The following TEX11 variants were observed in gnomAD, a reference collection of about 807,000 sequenced individuals.
The protein encoded by TEX11 is testis-expressed protein 11.
A neutral mutation model predicts 84.4 loss-of-function variants in TEX11; 7 were observed. That is an observed-to-expected ratio of 0.08 (90% confidence interval 0.05 to 0.16). The LOEUF is 0.16. Ranked by LOEUF, TEX11 falls within the 10% of genes least tolerant of loss-of-function variation. The pLI is 1.00. For synonymous variants in TEX11, 264 were observed against 222.8 expected, an observed-to-expected ratio of 1.18 and a Z score of -1.64; for missense variants, 551 against 660.5, an observed-to-expected ratio of 0.83 and a Z score of 1.82.
intron 13 of TEX11, among the ~76,000 whole-genome samples, chrX:70,711,479 T>C (rs1203098951): frequency 2.2e-4 from 24 of 110,218 alleles, no homozygotes; most frequent in Admixed American, 1.8e-3. Flanking sequence ...ATGATCGCCA[T>C]TCTAACTGGT....
At chrX:70,634,076 C>G (rs2089541698) in intron 17 of TEX11, among the ~76,000 whole-genome samples, 1 of 111,994 alleles carries the variant, frequency 8.9e-6, no homozygotes, top group Non-Finnish European at 1.9e-5. Context: ...TTCTACATAT[C>G]AACAATAAGC....
At chrX:70,795,880 A>T (rs2091153347) in intron 9 of TEX11, among the ~76,000 whole-genome samples, 1 of 111,294 alleles carries the variant, frequency 9.0e-6, no homozygotes, top group African/African-American at 3.3e-5. Flanking sequence ...CCCAAAAATG[A>T]TGGATACAAA....
chrX:70,751,506 A>T (rs2090825120), intron 9 of TEX11, among the ~76,000 whole-genome samples: 1 of 80,381 alleles, frequency 1.2e-5, no homozygotes, highest in Non-Finnish European at 2.4e-5. Context: ...GGGGGGAGGG[A>T]TAGCATTAGG....
chrX:70,544,228 C>G (rs1296603173), intron 28 of TEX11, among the ~76,000 whole-genome samples: 1 of 111,821 alleles, frequency 8.9e-6, no homozygotes, highest in East Asian at 2.8e-4. Flanking sequence ...AATAAATTAA[C>G]TTTGGCCAGG....
intron 9 of TEX11, among the ~76,000 whole-genome samples, chrX:70,781,711 G>A (rs1487927157): frequency 9.0e-6 from 1 of 111,607 alleles, no homozygotes; most frequent in Admixed American, 9.6e-5. Context: ...GGAAGAGAGG[G>A]TACCACTGAT....
chrX:70,834,835 C>T (rs960498887), intron 7 of TEX11, among the ~76,000 whole-genome samples: 6 of 109,399 alleles, frequency 5.5e-5, no homozygotes, highest in Admixed American at 3.9e-4. Context: ...TAATAAAGTA[C>T]TACACTTGCT....
rs1225203382 is a variant in TEX11 at position 70,817,771 on chromosome X, G to GAAAGGA, written c.607-10987_607-10982dup. 5.5e-3 allele frequency among the ~76,000 whole-genome samples: 599 copies of GAAAGGA among 108,639 alleles called. 8 individuals carry two copies. The highest frequency in any genetic ancestry group is 0.019 in the African/African-American group (576 of 29,757). The allele number at this position is 108,639 out of a possible 115,157, so 94.3% of individuals were successfully genotyped here. Reference sequence around the variant, plus strand: ...GGAAAGAGGAAAAAGGAAAAGAAAGGAAAGGAAAAGGAAGGAAAGGAATGA... The same window carrying GAAAGGA: ...GGAAAGAGGAAAAAGGAAAAGAAAGGAAAGGAAAAGGAAAAGGAAGGAAAGGAATGA... On this transcript the variant is annotated intron_variant, in intron 8 of 29. Transcript: ENST00000374333.
chrX:70,750,563 C>T (rs1360500831), intron 9 of TEX11, among the ~76,000 whole-genome samples: 2 of 108,175 alleles, frequency 1.8e-5, no homozygotes, highest in East Asian at 2.9e-4. Flanking sequence ...AAATGTGGCA[C>T]ATATACACCA....
At chrX:70,562,990 T>C (rs1015178912) in intron 25 of TEX11, among the ~76,000 whole-genome samples, 1 of 112,541 alleles carries the variant, frequency 8.9e-6, no homozygotes, top group South Asian at 3.7e-4. Flanking sequence ...TATTCCATTA[T>C]AGAGATGTAC....
chrX:70,645,629 T>C (rs186548680), intron 17 of TEX11, among the ~76,000 whole-genome samples: 32 of 112,001 alleles, frequency 2.9e-4, no homozygotes, highest in Admixed American at 2.4e-3. Flanking sequence ...GTAGCATTTC[T>C]ACATACTAAC....
intron 9 of TEX11, among the ~76,000 whole-genome samples, chrX:70,780,143 A>G (rs1007632888): frequency 9.1e-6 from 1 of 110,139 alleles, no homozygotes; most frequent in Admixed American, 9.7e-5. Context: ...GCATGGCTAC[A>G]CATGCCTGTA....
At chrX:70,839,652 C>T (rs929435001) in intron 7 of TEX11, among the ~76,000 whole-genome samples, 7 of 111,936 alleles carry the variant, frequency 6.3e-5, no homozygotes, top group Non-Finnish European at 9.4e-5. Context: ...ATGACTTTGA[C>T]GAGCTGAGAG....
chrX:70,844,529 T>G (rs1298652561), intron 7 of TEX11, among the ~76,000 whole-genome samples: 1 of 106,204 alleles, frequency 9.4e-6, no homozygotes, highest in Non-Finnish European at 1.9e-5. Flanking sequence ...AGTTAATGGG[T>G]GCAGCACACC....
intron 13 of TEX11, among the ~76,000 whole-genome samples, chrX:70,704,768 T>C (rs1307292309): frequency 9.0e-6 from 1 of 111,163 alleles, no homozygotes; most frequent in Non-Finnish European, 1.9e-5. Flanking sequence ...AAACATTCCT[T>C]ACTTTTATCG....
chrX:70,565,080 T>A (rs1338958601), intron 25 of TEX11, among the ~76,000 whole-genome samples: 1 of 106,938 alleles, frequency 9.4e-6, no homozygotes, highest in East Asian at 2.9e-4. Flanking sequence ...TTTCCTGACT[T>A]TTTAATGATT....
intron 9 of TEX11, among the ~76,000 whole-genome samples, chrX:70,794,803 T>C (rs1861230778): frequency 9.2e-6 from 1 of 109,041 alleles, no homozygotes; most frequent in African/African-American, 3.3e-5. Flanking sequence ...CCAACACATT[T>C]TGAACAATCA....
chrX:70,750,505 A>G (rs752794764), intron 9 of TEX11, among the ~76,000 whole-genome samples: 1,488 of 110,355 alleles, frequency 0.013, 11 homozygotes, highest in Middle Eastern at 0.023. Flanking sequence ...ACAATAGCAA[A>G]GACTTGGAAC....
intron 9 of TEX11, among the ~76,000 whole-genome samples, chrX:70,782,978 G>A (rs1479529126): frequency 9.0e-6 from 1 of 111,127 alleles, no homozygotes; most frequent in Non-Finnish European, 1.9e-5. Context: ...GGACCAATTG[G>A]ACCTAATAGA....
chrX:70,790,799 C>T (rs767120909), intron 9 of TEX11, among the ~76,000 whole-genome samples: 1 of 111,967 alleles, frequency 8.9e-6, no homozygotes, highest in African/African-American at 3.2e-5. Flanking sequence ...ACTTCAGCCC[C>T]GCTAGGACAG....
Sources: gnomAD v4.1 joint callset for allele counts (sites outside exome capture counted in the v4.1 genomes callset) on GRCh38, gnomAD v4.1.1 for gene constraint, MANE v1.5 for transcripts, NCBI Gene and HGNC (gene_info 2026-07-23, HGNC 2026-07-21) for gene names.